The following NOX4 variants were observed in gnomAD, a reference collection of about 807,000 sequenced individuals.
NOX4 encodes kidney oxidase-1.
NOX4 carries 69 observed loss-of-function variants against 87.6 expected under a neutral mutation model. That is an observed-to-expected ratio of 0.79 (90% CI 0.65 to 0.96). The LOEUF is 0.96. Ranked by LOEUF, NOX4 falls within the 40% of genes least tolerant of loss-of-function variation. The pLI is 0.00. For synonymous variants in NOX4, 275 were observed against 238.2 expected (o/e 1.15, Z -1.42); for missense variants, 680 against 681.5 (o/e 1.00, Z 0.02).
intron 3 of NOX4, among the ~76,000 whole-genome samples, chr11:89,449,772 T>G (rs1944872838): frequency 6.6e-6 from 1 of 151,926 alleles, no homozygotes; most frequent in East Asian, 1.9e-4. Context: ...AAAAAAAAGT[T>G]ACAAAAAAAC....
At chr11:89,371,193 C>A (rs899236684) in intron 12 of NOX4, among the ~76,000 whole-genome samples, 2 of 151,902 alleles carry the variant, frequency 1.3e-5, no homozygotes, top group African/African-American at 2.4e-5. Flanking sequence ...TCTCTTTGAA[C>A]TAAAGTGTCA....
chr11:89,336,060 A>C, intron 16 of NOX4, 115 bp from the exon 17 acceptor site: 1 of 546,922 alleles, frequency 1.8e-6, no homozygotes, highest in Non-Finnish European at 3.3e-6. Flanking sequence ...TAAAGAATGT[A>C]AGTATCAAAT....
At chr11:89,370,885 T>C (rs2135048998) in intron 12 of NOX4, among the ~76,000 whole-genome samples, 1 of 152,142 alleles carries the variant, frequency 6.6e-6, no homozygotes, top group East Asian at 1.9e-4. Flanking sequence ...TGATTAGTCT[T>C]GGAGAGATCA....
At chr11:89,555,366 G>C in the NOX4 span, among the ~76,000 whole-genome samples, 1 of 151,984 alleles carries the variant, frequency 6.6e-6, no homozygotes, top group Non-Finnish European at 1.5e-5. Context: ...AACACCTATA[G>C]TCTCAGTTAT....
intron 8 of NOX4, among the ~76,000 whole-genome samples, chr11:89,410,171 A>T (rs569553729): frequency 2.6e-5 from 4 of 152,310 alleles, no homozygotes; most frequent in Non-Finnish European, 5.9e-5. Flanking sequence ...CTACAATATA[A>T]TCAAAATAGT....
the NOX4 span, among the ~76,000 whole-genome samples, chr11:89,529,666 C>T: frequency 6.6e-6 from 1 of 152,146 alleles, no homozygotes; most frequent in East Asian, 1.9e-4. Context: ...GAAATATCAA[C>T]CAACAATCAC....
the NOX4 span, among the ~76,000 whole-genome samples, chr11:89,570,143 T>C: frequency 6.6e-6 from 1 of 152,236 alleles, no homozygotes; most frequent in Non-Finnish European, 1.5e-5. Flanking sequence ...GGAAATGTGG[T>C]AGACATGTAC....
At chr11:89,467,747 G>T (rs1173036660) in intron 2 of NOX4, among the ~76,000 whole-genome samples, 1 of 152,148 alleles carries the variant, frequency 6.6e-6, no homozygotes, top group Non-Finnish European at 1.5e-5. Context: ...ATGAATTTTG[G>T]GGGGACACAA....
intron 3 of NOX4, among the ~76,000 whole-genome samples, chr11:89,451,431 G>T (rs1437443666): frequency 2.0e-5 from 3 of 152,250 alleles, no homozygotes; most frequent in South Asian, 2.1e-4. Flanking sequence ...CCTTAGCTCT[G>T]TCATTCCCTA....
At chr11:89,354,491 AATAAGAATATGTAGAGATTGTCAAAAATC>A (rs1374463826) in intron 13 of NOX4, among the ~76,000 whole-genome samples, 3 of 152,208 alleles carry the variant, frequency 2.0e-5, no homozygotes, top group Admixed American at 2.0e-4. Context: ...CAATACGATA[AATAAGAATATGTAGAGATTGTCAAAAATC>A]ATAAGAATAT....
intron 8 of NOX4, among the ~76,000 whole-genome samples, chr11:89,415,109 T>TA (rs1942687480): frequency 6.6e-6 from 1 of 151,928 alleles, no homozygotes; most frequent in Middle Eastern, 3.2e-3. Flanking sequence ...TCCCCATCTG[T>TA]AAAATAGAAA....
intron 12 of NOX4, among the ~76,000 whole-genome samples, chr11:89,368,757 A>G (rs1224336174): frequency 6.6e-6 from 1 of 152,068 alleles, no homozygotes; most frequent in Non-Finnish European, 1.5e-5. Context: ...TTTCTGTGGA[A>G]TAACTACTAT....
chr11:89,443,118 G>A (rs1031417336), intron 5 of NOX4, among the ~76,000 whole-genome samples: 2 of 152,084 alleles, frequency 1.3e-5, no homozygotes, highest in Non-Finnish European at 2.9e-5. Flanking sequence ...ATCAATGCCT[G>A]CCTCCCATCC....
intron 8 of NOX4, among the ~76,000 whole-genome samples, chr11:89,402,779 T>C (rs1941951272): frequency 6.6e-6 from 1 of 152,186 alleles, no homozygotes; most frequent in African/African-American, 2.4e-5. Flanking sequence ...ACAAATGCTA[T>C]AAATATGTGG....
At chr11:89,337,839 T>C (rs1318977946) in intron 15 of NOX4, among the ~76,000 whole-genome samples, 1 of 152,060 alleles carries the variant, frequency 6.6e-6, no homozygotes, top group Non-Finnish European at 1.5e-5. Flanking sequence ...CTTATTTTAT[T>C]CCTTAAGAGT....
At chr11:89,530,123 T>C in the NOX4 span, among the ~76,000 whole-genome samples, 3 of 151,944 alleles carry the variant, frequency 2.0e-5, no homozygotes, top group African/African-American at 4.8e-5. Context: ...TTATGTTAAA[T>C]TGAGCTTAAA....
chr11:89,452,947 C>T (rs1350749814), intron 2 of NOX4, among the ~76,000 whole-genome samples: 2 of 151,924 alleles, frequency 1.3e-5, no homozygotes, highest in Admixed American at 1.3e-4. Context: ...TGAAGACTGG[C>T]ACAGGAGAAT....
intron 11 of NOX4, among the ~76,000 whole-genome samples, chr11:89,391,928 C>A (rs1941155633): frequency 1.4e-5 from 2 of 142,024 alleles, no homozygotes; most frequent in Admixed American, 6.9e-5. Context: ...TTTTCCCTTC[C>A]CCTTCCCCTT....
the NOX4 span, among the ~76,000 whole-genome samples, chr11:89,514,635 G>A: frequency 1.4e-3 from 206 of 151,932 alleles, 1 homozygote; most frequent in Admixed American, 2.8e-3. Context: ...TTTCATAGGT[G>A]CCCTTAAGTT....
Sources: gnomAD v4.1 joint callset for allele counts (sites outside exome capture counted in the v4.1 genomes callset) on GRCh38, gnomAD v4.1.1 for gene constraint, MANE v1.5 for transcripts, NCBI Gene and HGNC (gene_info 2026-07-23, HGNC 2026-07-21) for gene names.